Variants in ERC2 observed in about 807,000 individuals in gnomAD.
The protein encoded by ERC2 is ERC protein 2.
In ERC2, 42 loss-of-function variants were observed where a neutral mutation model predicts 114.8. The ratio of observed to expected loss-of-function variants is 0.37; its 90% CI spans 0.29 to 0.47. ERC2 has a LOEUF of 0.47. Ranked by LOEUF, ERC2 falls within the 20% of genes least tolerant of loss-of-function variation. The pLI is 0.99. For synonymous variants in ERC2, 454 were observed against 425.5 expected, an observed-to-expected ratio of 1.07 and a Z score of -0.82; for missense variants, 939 against 1,150.7, an observed-to-expected ratio of 0.82 and a Z score of 2.66.
intron 14 of ERC2, among the ~76,000 whole-genome samples, chr3:55,758,407 T>G (rs997403092): frequency 2.0e-5 from 3 of 152,194 alleles, no homozygotes; most frequent in African/African-American, 7.2e-5. Flanking sequence ...CTCTTCTCAT[T>G]TCACGCTTTT....
chr3:56,326,060 G>A lies in ERC2; in HGVS notation c.658-29625C>T, dbSNP rs73088534. Among the ~76,000 whole-genome samples the A allele has an allele frequency of 2.9e-3, 449 of 152,246 alleles. 1 individual carries two copies. Among genetic ancestry groups the A allele is most frequent in the Middle Eastern group, 6.8e-3 (2 of 294 alleles). On this transcript the variant is annotated intron_variant, in intron 2 of 17. Transcript: ENST00000288221. ...TACTCCTCACTCTCCTTCTTCTAGC[G>A]GCTAAATGATCAAGGGATGGGACTC... is the stretch of plus-strand genomic sequence containing the variant.
chr3:56,173,808 G>A, intron 3 of ERC2: 1 of 313,946 alleles, frequency 3.2e-6, no homozygotes, highest in Non-Finnish European at 5.8e-6. Context: ...TCAACACTGG[G>A]GCTGATGCCC....
chr3:56,457,266 A>G (rs10510786), intron 1 of ERC2, among the ~76,000 whole-genome samples: 41,035 of 152,122 alleles, frequency 0.27, 6,166 homozygotes, highest in Middle Eastern at 0.39. Flanking sequence ...CAAAACCAAC[A>G]AGTGATGTGG....
intron 17 of ERC2, among the ~76,000 whole-genome samples, chr3:55,627,371 C>T (rs1227315524): frequency 6.6e-6 from 1 of 151,930 alleles, no homozygotes; most frequent in East Asian, 1.9e-4. Flanking sequence ...GAGGCTGAGG[C>T]AGGAGAATCG....
intron 9 of ERC2, 101 bp from the exon 10 acceptor site, chr3:56,007,422 G>A (rs1206312896): frequency 4.2e-5 from 45 of 1,076,660 alleles, no homozygotes; most frequent in East Asian, 2.7e-5. Context: ...AAAGTGTGCA[G>A]TAGACAGAAA....
At chr3:55,512,925 T>G (rs996096922) in intron 17 of ERC2, among the ~76,000 whole-genome samples, 8 of 152,108 alleles carry the variant, frequency 5.3e-5, no homozygotes, top group Admixed American at 2.0e-4. Context: ...CCGCCAGCAT[T>G]TAGAAATGCA....
intron 1 of ERC2, among the ~76,000 whole-genome samples, chr3:56,444,774 G>A (rs909918514): frequency 6.6e-6 from 1 of 152,186 alleles, no homozygotes; most frequent in African/African-American, 2.4e-5. Context: ...CCCATCACCT[G>A]AGGCCTGCTG....
intron 12 of ERC2, among the ~76,000 whole-genome samples, chr3:55,985,445 A>T (rs1169492844): frequency 1.3e-5 from 2 of 152,232 alleles, no homozygotes; most frequent in Non-Finnish European, 2.9e-5. Flanking sequence ...TGTGTGTACA[A>T]TATGTTACTA....
At chr3:56,295,374 T>TA (rs1182471450) in intron 3 of ERC2, among the ~76,000 whole-genome samples, 2 of 152,186 alleles carry the variant, frequency 1.3e-5, no homozygotes, top group Non-Finnish European at 2.9e-5. Context: ...TATTCTCAGA[T>TA]ACACGAGCAT....
intron 13 of ERC2, among the ~76,000 whole-genome samples, chr3:55,934,396 C>T (rs1448882633): frequency 2.0e-5 from 3 of 152,066 alleles, no homozygotes; most frequent in African/African-American, 7.2e-5. Flanking sequence ...GAGTACACTC[C>T]CATGCATAAA....
At chr3:55,636,879 G>A (rs2059979479) in intron 17 of ERC2, among the ~76,000 whole-genome samples, 1 of 152,230 alleles carries the variant, frequency 6.6e-6, no homozygotes, top group Non-Finnish European at 1.5e-5. Context: ...GCTCAGTCAT[G>A]ACTTATAAGC....
intron 6 of ERC2, among the ~76,000 whole-genome samples, chr3:56,131,715 G>T (rs1207067703): frequency 1.3e-5 from 2 of 152,170 alleles, no homozygotes; most frequent in Non-Finnish European, 2.9e-5. Context: ...AAAGGGAAAG[G>T]TTGGTTAACA....
At chr3:55,862,511 C>A (rs1339704110) in intron 14 of ERC2, among the ~76,000 whole-genome samples, 1 of 152,128 alleles carries the variant, frequency 6.6e-6, no homozygotes, top group African/African-American at 2.4e-5. Context: ...CTAGGATGGC[C>A]TAGTTTATCC....
intron 12 of ERC2, among the ~76,000 whole-genome samples, chr3:55,965,690 T>TG (rs2068702536): frequency 6.6e-6 from 1 of 152,202 alleles, no homozygotes; most frequent in Non-Finnish European, 1.5e-5. Context: ...TTATGCTCAA[T>TG]GGGGGGTTAC....
chr3:55,525,325 A>T (rs1305185062), intron 17 of ERC2, among the ~76,000 whole-genome samples: 1 of 152,142 alleles, frequency 6.6e-6, no homozygotes, highest in Non-Finnish European at 1.5e-5. Flanking sequence ...TTTGAGGGGG[A>T]GTAGGACATA....
At position 56,314,387 on chromosome 3, in the gene ERC2, G is replaced by A. The variant is rs1267877717; in HGVS notation, c.658-17952C>T. Among the ~76,000 whole-genome samples, 3 of 151,542 alleles carry A rather than the reference G, an allele frequency of 2.0e-5. 1 individual carries two copies. The highest frequency in any genetic ancestry group is 6.6e-5 in the Admixed American group (1 of 15,142). On this transcript the variant is annotated intron_variant, in intron 2 of 17. Coordinates refer to ENST00000288221, the MANE Select transcript of ERC2 (RefSeq NM_015576.3). ...CTTACTTATGCCTGAAACTTAGTAA[G>A]TACCCTAGCCAACAGGAAGCCATCA...
At chr3:55,583,710 A>C (rs2057439326) in intron 17 of ERC2, among the ~76,000 whole-genome samples, 1 of 151,544 alleles carries the variant, frequency 6.6e-6, no homozygotes, top group Non-Finnish European at 1.5e-5. Context: ...GGGCTTGTGG[A>C]AGCTGGGGGA....
chr3:55,667,777 A>G (rs191788455), intron 17 of ERC2, among the ~76,000 whole-genome samples: 1 of 152,346 alleles, frequency 6.6e-6, no homozygotes, highest in Admixed American at 6.5e-5. Flanking sequence ...ACTGGACCCT[A>G]GAGAGTTTAC....
intron 13 of ERC2, among the ~76,000 whole-genome samples, chr3:55,949,857 G>A (rs2149442922): frequency 6.6e-6 from 1 of 152,264 alleles, no homozygotes; most frequent in East Asian, 1.9e-4. Flanking sequence ...AAATAAGGGT[G>A]GTTAATGAGG....
Sources: allele counts gnomAD v4.1 joint callset (sites outside exome capture counted in the v4.1 genomes callset), GRCh38; gene constraint gnomAD v4.1.1; transcripts MANE v1.5; gene names NCBI Gene and HGNC (gene_info 2026-07-23, HGNC 2026-07-21).